The following ST8SIA1 variants were observed in gnomAD, a reference collection of about 807,000 sequenced individuals.
The protein encoded by ST8SIA1 is ST8 alpha-N-acetyl-neuraminide alpha-2,8-sialyltransferase 1.
ST8SIA1 carries 16 observed loss-of-function variants against 35.9 expected under a neutral mutation model. That is an observed-to-expected ratio of 0.45 (90% CI 0.30 to 0.68). ST8SIA1 has a LOEUF of 0.68. Ranked by LOEUF, ST8SIA1 falls within the 30% of genes least tolerant of loss-of-function variation. The pLI is 0.09. For synonymous variants in ST8SIA1, 170 were observed against 169.6 expected (o/e 1.00, Z -0.02); for missense variants, 383 against 453.6 (o/e 0.84, Z 1.41).
rs548288284 is a variant in ST8SIA1, at chr12:22,198,609, G to A, written c.*2943C>T. The A allele has an allele frequency of 6.6e-6, 1 of 151,374 alleles. No homozygotes were observed. The highest frequency in any genetic ancestry group is 1.9e-4 in the East Asian group (1 of 5,132). 9.4% of individuals were successfully genotyped at this position (151,374 alleles called of 1,614,324 possible). ...TATGTCCAAAAGGCATATGTATGGTGTATCTAGTGAGTTGTAATCTACCAT... is the reference window on the plus strand; with the variant it reads ...TATGTCCAAAAGGCATATGTATGGTATATCTAGTGAGTTGTAATCTACCAT... On this transcript the variant is annotated 3_prime_UTR_variant, in exon 5 of 5. Coordinates refer to ENST00000396037, the MANE Select transcript of ST8SIA1 (RefSeq NM_003034.4).
At chr12:22,261,592 C>A (rs991348915) in intron 2 of ST8SIA1, among the ~76,000 whole-genome samples, 1 of 152,104 alleles carries the variant, frequency 6.6e-6, no homozygotes, top group East Asian at 1.9e-4. Flanking sequence ...TATTTAATCA[C>A]AAAATTTTCC....
chr12:22,329,293 T>C (rs1866726624), intron 1 of ST8SIA1, among the ~76,000 whole-genome samples: 1 of 152,168 alleles, frequency 6.6e-6, no homozygotes, highest in Non-Finnish European at 1.5e-5. Context: ...TAAACCTCCA[T>C]ATCCTCATCT....
chr12:22,214,902 A>C (rs1865218848), intron 4 of ST8SIA1, among the ~76,000 whole-genome samples: 2 of 152,216 alleles, frequency 1.3e-5, no homozygotes, highest in African/African-American at 2.4e-5. Context: ...GTATTCTAGC[A>C]AAATTTCATA....
At chr12:22,316,314 C>T (rs1866519290) in intron 1 of ST8SIA1, among the ~76,000 whole-genome samples, 1 of 151,916 alleles carries the variant, frequency 6.6e-6, no homozygotes, top group African/African-American at 2.4e-5. Context: ...TGAGACACAA[C>T]TATGGAAGAA....
chr12:22,323,494 C>T (rs1866630896), intron 1 of ST8SIA1, among the ~76,000 whole-genome samples: 1 of 152,184 alleles, frequency 6.6e-6, no homozygotes, highest in Non-Finnish European at 1.5e-5. Context: ...ACCCAGTAAT[C>T]CCATTACTGG....
chr12:22,241,596 G>GTTT (rs1865541658), intron 4 of ST8SIA1, among the ~76,000 whole-genome samples: 1 of 123,748 alleles, frequency 8.1e-6, no homozygotes, highest in African/African-American at 3.1e-5. Context: ...CCAGACTCCG[G>GTTT]TATTTTTTTT....
intron 1 of ST8SIA1, among the ~76,000 whole-genome samples, chr12:22,301,684 G>C (rs774281127): frequency 5.9e-5 from 9 of 152,134 alleles, no homozygotes; most frequent in African/African-American, 1.2e-4. Flanking sequence ...TTAAGGAATC[G>C]AAGTTGGCTT....
intron 2 of ST8SIA1, among the ~76,000 whole-genome samples, chr12:22,282,368 C>A (rs1460426032): frequency 6.6e-6 from 1 of 152,154 alleles, no homozygotes; most frequent in Non-Finnish European, 1.5e-5. Flanking sequence ...ACTGAGGCAG[C>A]CCGTATAGTT....
intron 2 of ST8SIA1, among the ~76,000 whole-genome samples, chr12:22,263,882 C>T (rs2135801786): frequency 6.6e-6 from 1 of 152,296 alleles, no homozygotes; most frequent in East Asian, 1.9e-4. Flanking sequence ...CTTTGCAAGC[C>T]TTCAGAGTGG....
chr12:22,289,491 T>C (rs1179748289), intron 1 of ST8SIA1, among the ~76,000 whole-genome samples: 1 of 152,184 alleles, frequency 6.6e-6, no homozygotes, highest in Non-Finnish European at 1.5e-5. Flanking sequence ...AAAAATGCTG[T>C]GTAAACACTG....
intron 1 of ST8SIA1, among the ~76,000 whole-genome samples, chr12:22,289,969 T>G (rs2135818318): frequency 6.6e-6 from 1 of 152,340 alleles, no homozygotes; most frequent in South Asian, 2.1e-4. Flanking sequence ...TCTTAATTAT[T>G]GATAAAATAT....
chr12:22,317,734 T>C (rs1866538522), intron 1 of ST8SIA1, among the ~76,000 whole-genome samples: 1 of 152,188 alleles, frequency 6.6e-6, no homozygotes, highest in Non-Finnish European at 1.5e-5. Context: ...TCTTCCATAG[T>C]ATCCTATTCT....
chr12:22,262,972 C>T (rs7956051), intron 2 of ST8SIA1, among the ~76,000 whole-genome samples: 3,201 of 152,228 alleles, frequency 0.021, 116 homozygotes, highest in African/African-American at 0.07. Context: ...GAATCCTTTT[C>T]GGATTCTTTT....
At chr12:22,320,336 T>C (rs1866570176) in intron 1 of ST8SIA1, among the ~76,000 whole-genome samples, 1 of 152,178 alleles carries the variant, frequency 6.6e-6, no homozygotes, top group Non-Finnish European at 1.5e-5. Context: ...ATAGGCTAAG[T>C]ACCCCATCTT....
chr12:22,285,518 A>T (rs985356666), intron 2 of ST8SIA1, among the ~76,000 whole-genome samples: 2 of 152,220 alleles, frequency 1.3e-5, no homozygotes, highest in African/African-American at 4.8e-5. Context: ...TCAAGATACT[A>T]AGTATGAATC....
intron 4 of ST8SIA1, among the ~76,000 whole-genome samples, chr12:22,218,946 T>A (rs1043946420): frequency 6.6e-6 from 1 of 152,198 alleles, no homozygotes; most frequent in African/African-American, 2.4e-5. Flanking sequence ...CCAAAGAATC[T>A]CTTTTCTATA....
intron 4 of ST8SIA1, among the ~76,000 whole-genome samples, chr12:22,220,947 G>A (rs973579789): frequency 1.3e-5 from 2 of 152,142 alleles, no homozygotes; most frequent in African/African-American, 4.8e-5. Flanking sequence ...AGCCCTTTTT[G>A]CTCCATCAGT....
intron 4 of ST8SIA1, among the ~76,000 whole-genome samples, chr12:22,204,528 G>T (rs765721904): frequency 6.6e-6 from 1 of 151,882 alleles, no homozygotes; most frequent in East Asian, 1.9e-4. Flanking sequence ...CATTTCACAG[G>T]GCCCTGCTGG....
rs34617658 is a variant in ST8SIA1 at position 22,266,493 on chromosome 12, T to TAA, written c.382-11106_382-11105dup. Among the ~76,000 whole-genome samples the TAA allele has an allele frequency of 6.6e-3, 891 of 135,004 alleles. 3 individuals are homozygous for TAA. The highest frequency in any genetic ancestry group is 0.012 in the Middle Eastern group (3 of 258). The allele number at this position is 135,004 out of a possible 152,430, so 88.6% of individuals were successfully genotyped here. A position where few individuals can be genotyped will look rare whatever the true frequency, so the allele number is the denominator to read the frequency against. ...AAGGTTATACCAGAAAACCCCTATT[T>TAA]AAAAAAAAAATATATATATATATAG... On this transcript the variant is annotated intron_variant, in intron 2 of 4. Transcript: ENST00000396037.
Sources: gnomAD v4.1 joint callset for allele counts (sites outside exome capture counted in the v4.1 genomes callset) on GRCh38, gnomAD v4.1.1 for gene constraint, MANE v1.5 for transcripts, NCBI Gene and HGNC (gene_info 2026-07-23, HGNC 2026-07-21) for gene names.